The following TUSC3 variants were observed in gnomAD, a reference collection of about 807,000 sequenced individuals.
TUSC3 encodes dolichyl-diphosphooligosaccharide--protein glycosyltransferase subunit TUSC3.
Under a neutral mutation model 44.8 loss-of-function variants are expected in TUSC3, and 45 were observed. The ratio of observed to expected loss-of-function variants is 1.00; its 90% confidence interval spans 0.79 to 1.29. TUSC3 has a LOEUF of 1.29. Among genes scored for constraint, TUSC3 ranks in the 50% most tolerant of loss-of-function variants. The pLI is 0.00. For synonymous variants in TUSC3, 212 were observed against 152.9 expected (o/e 1.39, Z -2.85); for missense variants, 519 against 437.9 (o/e 1.19, Z -1.65).
At chr8:15,714,295 G>A (rs1227911531) in intron 6 of TUSC3, among the ~76,000 whole-genome samples, 2 of 152,080 alleles carry the variant, frequency 1.3e-5, no homozygotes, top group South Asian at 4.1e-4. Context: ...AAGTGTAGCA[G>A]TATATATGTT....
chr8:15,830,934 A>G, the TUSC3 span, among the ~76,000 whole-genome samples: 1 of 152,224 alleles, frequency 6.6e-6, no homozygotes, highest in Non-Finnish European at 1.5e-5. Context: ...ATTAAAAAGG[A>G]AGCCAAGTGT....
chr8:15,829,195 T>C, the TUSC3 span, among the ~76,000 whole-genome samples: 3 of 152,178 alleles, frequency 2.0e-5, no homozygotes. Context: ...CCCATTAAAT[T>C]ACATTTGTTT....
At chr8:15,690,872 T>G (rs2129189970) in intron 6 of TUSC3, among the ~76,000 whole-genome samples, 1 of 152,014 alleles carries the variant, frequency 6.6e-6, no homozygotes, top group African/African-American at 2.4e-5. Flanking sequence ...TCTATATTTG[T>G]ACCGGTACAA....
At chr8:15,524,024 C>G (rs1456674098) in intron 2 of TUSC3, among the ~76,000 whole-genome samples, 2 of 148,390 alleles carry the variant, frequency 1.3e-5, no homozygotes, top group Non-Finnish European at 3.0e-5. Flanking sequence ...CCACTGCACT[C>G]CAGCTTGGCA....
At chr8:15,651,103 TA>T in intron 3 of TUSC3, 1 of 328,910 alleles carries the variant, frequency 3.0e-6, no homozygotes, top group Non-Finnish European at 5.7e-6. Flanking sequence ...TAATTATGGC[TA>T]AACTTATTTT....
intron 1 of TUSC3, among the ~76,000 whole-genome samples, chr8:15,476,815 A>C (rs886977614): frequency 1.3e-5 from 2 of 152,212 alleles, no homozygotes; most frequent in Non-Finnish European, 2.9e-5. Flanking sequence ...CATGCAAATG[A>C]AGTAGTGGCC....
chr8:15,836,109 A>C, the TUSC3 span, among the ~76,000 whole-genome samples: 4 of 151,730 alleles, frequency 2.6e-5, no homozygotes, highest in Non-Finnish European at 4.4e-5. Flanking sequence ...TGCTTCATTT[A>C]TTCTCATACT....
At chr8:15,650,955 A>G (rs1264179062) in intron 3 of TUSC3, 141 bp downstream of exon 3, 4 of 744,872 alleles carry the variant, frequency 5.4e-6, no homozygotes, top group African/African-American at 3.5e-5. Context: ...GTGCCACTGC[A>G]TTCCAGGTGG....
At chr8:15,787,189 T>C in the TUSC3 span, among the ~76,000 whole-genome samples, 1 of 152,164 alleles carries the variant, frequency 6.6e-6, no homozygotes. Context: ...TTGTTTTGTA[T>C]AGAGTGTGTT....
intron 2 of TUSC3, among the ~76,000 whole-genome samples, chr8:15,498,517 G>A (rs1800912736): frequency 6.6e-6 from 1 of 152,188 alleles, no homozygotes; most frequent in South Asian, 2.1e-4. Flanking sequence ...TCCACCCAAG[G>A]ATCCTAGCGA....
At chr8:15,711,359 A>G (rs567363628) in intron 6 of TUSC3, among the ~76,000 whole-genome samples, 2 of 151,838 alleles carry the variant, frequency 1.3e-5, no homozygotes, top group Admixed American at 6.6e-5. Context: ...AAGGATAAAC[A>G]TAATTTCAAA....
At chr8:15,604,858 C>T (rs959241874) in intron 1 of TUSC3, among the ~76,000 whole-genome samples, 8 of 151,762 alleles carry the variant, frequency 5.3e-5, no homozygotes, top group Non-Finnish European at 1.0e-4. Flanking sequence ...TCTTACAAGA[C>T]CCAGGAAAAT....
chr8:15,645,142 A>T (rs1225967273), intron 2 of TUSC3, among the ~76,000 whole-genome samples: 1 of 152,142 alleles, frequency 6.6e-6, no homozygotes, highest in Non-Finnish European at 1.5e-5. Flanking sequence ...TATATCATGC[A>T]TATTGTTGTG....
At chr8:15,610,013 T>G (rs1242453358) in intron 1 of TUSC3, among the ~76,000 whole-genome samples, 1 of 152,150 alleles carries the variant, frequency 6.6e-6, no homozygotes, top group East Asian at 1.9e-4. Flanking sequence ...CTTTATTTCC[T>G]AGCTGTTTTT....
intron 2 of TUSC3, among the ~76,000 whole-genome samples, chr8:15,628,895 G>C (rs530507858): frequency 2.5e-4 from 38 of 152,290 alleles, no homozygotes; most frequent in African/African-American, 9.1e-4. Context: ...GTGCGGGTGA[G>C]AGAATATGGG....
the TUSC3 span, among the ~76,000 whole-genome samples, chr8:15,834,561 G>T: frequency 6.6e-6 from 1 of 152,062 alleles, no homozygotes; most frequent in Non-Finnish European, 1.5e-5. Context: ...TTTTCATTAA[G>T]AATAACAATA....
chr8:15,760,428 T>C (rs1338287554), intron 10 of TUSC3, among the ~76,000 whole-genome samples: 1 of 152,210 alleles, frequency 6.6e-6, no homozygotes, highest in African/African-American at 2.4e-5. Flanking sequence ...AATGTATGAA[T>C]TGCCACAACT....
intron 6 of TUSC3, among the ~76,000 whole-genome samples, chr8:15,680,636 G>A (rs1272708551): frequency 6.6e-6 from 1 of 152,108 alleles, no homozygotes; most frequent in Non-Finnish European, 1.5e-5. Flanking sequence ...CTGAATAGTA[G>A]TAGAGAGTGG....
At chr8:15,770,523 G>T (rs541346987), downstream of TUSC3, among the ~76,000 whole-genome samples, 3 of 152,198 alleles carry the variant, frequency 2.0e-5, no homozygotes, top group East Asian at 5.8e-4. Context: ...TGCATGTTTT[G>T]CACATGTATC....
Sources: gnomAD v4.1 joint callset for allele counts (sites outside exome capture counted in the v4.1 genomes callset) on GRCh38, gnomAD v4.1.1 for gene constraint, MANE v1.5 for transcripts, NCBI Gene and HGNC (gene_info 2026-07-23, HGNC 2026-07-21) for gene names.